The following GRIA1 variants were observed in gnomAD, a reference collection of about 807,000 sequenced individuals.
The protein encoded by GRIA1 is glutamate ionotropic receptor AMPA type subunit 1, also known as glutamate receptor 1.
Under a neutral mutation model 99.2 loss-of-function variants are expected in GRIA1, and 31 were observed. The observed-to-expected ratio is 0.31, with a 90% CI of 0.23 to 0.42. GRIA1 has a LOEUF of 0.42. Ranked by LOEUF, GRIA1 falls within the 10% of genes least tolerant of loss-of-function variation. The probability of loss-of-function intolerance (pLI) is 1.00; values close to 1 mark genes in which losing one functional copy is unlikely to be tolerated. For synonymous variants in GRIA1, 438 were observed against 432.4 expected (o/e 1.01, Z -0.16); for missense variants, 782 against 1,157.5 (o/e 0.68, Z 4.71).
chr5:153,807,189 C>T (rs1766489064), intron 15 of GRIA1, among the ~76,000 whole-genome samples: 1 of 152,164 alleles, frequency 6.6e-6, no homozygotes, highest in African/African-American at 2.4e-5. Context: ...ACAAGTGTCA[C>T]AGAGATAGTG....
intron 5 of GRIA1, among the ~76,000 whole-genome samples, chr5:153,671,134 G>A (rs1316098730): frequency 1.3e-5 from 2 of 152,260 alleles, no homozygotes; most frequent in East Asian, 1.9e-4. Context: ...TTGATCATAA[G>A]TAATTAAGGT....
chr5:153,735,480 T>G (rs552896893), intron 11 of GRIA1, among the ~76,000 whole-genome samples: 1 of 152,292 alleles, frequency 6.6e-6, no homozygotes, highest in Admixed American at 6.5e-5. Context: ...AGTGCTTTTT[T>G]ATGCAAATAA....
At chr5:153,751,387 G>T (rs528785609) in intron 11 of GRIA1, among the ~76,000 whole-genome samples, 2 of 152,362 alleles carry the variant, frequency 1.3e-5, no homozygotes, top group South Asian at 4.1e-4. Flanking sequence ...TTAGATCAAA[G>T]GTCTCTGATA....
In GRIA1 at chr5:153,694,516, A is replaced by G. The variant is rs562210614; in HGVS notation, c.1135-3528A>G. Among the ~76,000 whole-genome samples, 20 of 152,342 alleles carry G rather than the reference A, an allele frequency of 1.3e-4. No homozygotes were observed. In the East Asian group the frequency reaches 3.5e-3, roughly 26 times the overall value. ...ATGAATATCATTTTTTAGCTTACTG[A>G]CAATATGAACCATACACTGTGCTAA... On this transcript the variant is annotated intron_variant, in intron 8 of 15. Transcript: ENST00000285900.
intron 2 of GRIA1, among the ~76,000 whole-genome samples, chr5:153,511,043 GT>G (rs978086862): frequency 3.9e-5 from 6 of 152,168 alleles, no homozygotes; most frequent in African/African-American, 1.2e-4. Flanking sequence ...ATGCTAATGT[GT>G]CTTGTTAATT....
intron 11 of GRIA1, among the ~76,000 whole-genome samples, chr5:153,716,146 A>G (rs79143287): frequency 0.015 from 2,346 of 152,366 alleles, 52 homozygotes; most frequent in Non-Finnish European, 0.022. Context: ...ACTATGTGTC[A>G]GGCACTCTGA....
At chr5:153,727,484 A>T (rs943993789) in intron 11 of GRIA1, among the ~76,000 whole-genome samples, 7 of 152,040 alleles carry the variant, frequency 4.6e-5, no homozygotes, top group African/African-American at 1.7e-4. Context: ...TATCTAGAAA[A>T]CCCCATTGTC....
chr5:153,594,999 A>G (rs1380674466), intron 2 of GRIA1, among the ~76,000 whole-genome samples: 1 of 151,716 alleles, frequency 6.6e-6, no homozygotes, highest in Non-Finnish European at 1.5e-5. Context: ...CTTCCTCTTC[A>G]CAGATGGTTA....
At chr5:153,643,422 C>T (rs1189510411) in intron 2 of GRIA1, among the ~76,000 whole-genome samples, 1 of 152,180 alleles carries the variant, frequency 6.6e-6, no homozygotes, top group African/African-American at 2.4e-5. Context: ...CATGTTATCT[C>T]TTCTGATTGA....
intron 11 of GRIA1, among the ~76,000 whole-genome samples, chr5:153,726,672 T>G (rs1334545426): frequency 6.6e-6 from 1 of 152,112 alleles, no homozygotes; most frequent in African/African-American, 2.4e-5. Flanking sequence ...ACATACACCC[T>G]CCCAAGACTA....
At chr5:153,601,272 A>T (rs1278990011) in intron 2 of GRIA1, among the ~76,000 whole-genome samples, 1 of 152,172 alleles carries the variant, frequency 6.6e-6, no homozygotes, top group Non-Finnish European at 1.5e-5. Context: ...AGATCTCATA[A>T]CTCATAAGTG....
intron 5 of GRIA1, among the ~76,000 whole-genome samples, chr5:153,660,918 G>A (rs1474231522): frequency 1.3e-5 from 2 of 152,178 alleles, no homozygotes; most frequent in Non-Finnish European, 2.9e-5. Flanking sequence ...GACGGAGTTA[G>A]CCCATTCCAG....
intron 5 of GRIA1, among the ~76,000 whole-genome samples, chr5:153,657,676 C>T (rs1168750784): frequency 6.6e-6 from 1 of 152,168 alleles, no homozygotes; most frequent in Non-Finnish European, 1.5e-5. Context: ...TTCTTTCTGA[C>T]CTGGTATCCA....
intron 2 of GRIA1, among the ~76,000 whole-genome samples, chr5:153,543,130 G>C (rs1452996321): frequency 6.6e-6 from 1 of 152,220 alleles, no homozygotes; most frequent in Non-Finnish European, 1.5e-5. Context: ...CATGGTAGGA[G>C]GGTTGGTGAT....
At chr5:153,566,202 G>T (rs1761596005) in intron 2 of GRIA1, among the ~76,000 whole-genome samples, 1 of 149,370 alleles carries the variant, frequency 6.7e-6, no homozygotes, top group Admixed American at 6.7e-5. Flanking sequence ...TTGTGGTTTT[G>T]ATTTACATTT....
At chr5:153,621,125 G>T (rs1767000762) in intron 2 of GRIA1, among the ~76,000 whole-genome samples, 1 of 152,144 alleles carries the variant, frequency 6.6e-6, no homozygotes, top group Non-Finnish European at 1.5e-5. Flanking sequence ...TATGTAAATT[G>T]TATTATATAC....
At chr5:153,507,254 G>C (rs892080551) in intron 2 of GRIA1, among the ~76,000 whole-genome samples, 1 of 152,092 alleles carries the variant, frequency 6.6e-6, no homozygotes, top group Non-Finnish European at 1.5e-5. Context: ...GCAGCCTAGG[G>C]CTGATGGAAG....
At chr5:153,662,364 A>C (rs1311216295) in intron 5 of GRIA1, among the ~76,000 whole-genome samples, 1 of 152,194 alleles carries the variant, frequency 6.6e-6, no homozygotes, top group African/African-American at 2.4e-5. Flanking sequence ...TTCCAGCTAG[A>C]TTAGAACATG....
At chr5:153,519,491 T>A (rs552681753) in intron 2 of GRIA1, among the ~76,000 whole-genome samples, 39 of 151,860 alleles carry the variant, frequency 2.6e-4, no homozygotes, top group African/African-American at 8.2e-4. Flanking sequence ...AGTTCTCATC[T>A]TAACGCTGTG....
Sources: allele counts gnomAD v4.1 joint callset (sites outside exome capture counted in the v4.1 genomes callset), GRCh38; gene constraint gnomAD v4.1.1; transcripts MANE v1.5; gene names NCBI Gene and HGNC (gene_info 2026-07-23, HGNC 2026-07-21).